KNTC1: variants seen among roughly 807,000 people sequenced by gnomAD.
The protein encoded by KNTC1 is kinetochore associated 1, also known as kinetochore-associated protein 1.
A neutral mutation model predicts 314.4 loss-of-function variants in KNTC1; 253 were observed. The ratio of observed to expected loss-of-function variants is 0.80; its 90% CI spans 0.73 to 0.89. KNTC1 has a LOEUF of 0.89. Among genes scored for constraint, KNTC1 ranks in the 40% least tolerant of loss-of-function variants. The pLI, the probability that KNTC1 is intolerant of heterozygous loss-of-function variation, is 0.00. For missense variants in KNTC1, 2,475 were observed against 2,572.9 expected, an observed-to-expected ratio of 0.96 and a Z score of 0.82; for synonymous variants, 901 against 901.4, an observed-to-expected ratio of 1.00 and a Z score of 0.01.
intron 18 of KNTC1, among the ~76,000 whole-genome samples, chr12:122,561,101 CAGG>C (rs1963938706): frequency 6.6e-6 from 1 of 152,120 alleles, no homozygotes; most frequent in Non-Finnish European, 1.5e-5. Context: ...CACTTGAGGT[CAGG>C]AGTTCAAGAG....
chr12:122,537,576 G>A (rs1961941943), intron 3 of KNTC1, among the ~76,000 whole-genome samples: 1 of 151,904 alleles, frequency 6.6e-6, no homozygotes, highest in African/African-American at 2.4e-5. Context: ...ATGCCACCAT[G>A]TCCGGCTAAT....
In KNTC1 at chr12:122,582,913, A is replaced by G; in HGVS notation, c.3191A>G (p.Gln1064Arg). The change falls in exon 34 of 64, where the codon CAA becomes CGA. Residue 1064 changes from glutamine (Q) to arginine (R), a missense_variant. By Grantham distance (43) the Gln-to-Arg change is conservative. Transcript: ENST00000333479. ...RQALALQMSK[Q>R]ELEAELTLRA... ...GCACTGGCCCTGCAGATGTCCAAAC[A>G]AGAGCTGGAGGCAGAGCTGACCTTG... The G allele has an allele frequency of 6.2e-7, 1 of 1,613,640 alleles. No homozygotes were observed. The highest frequency in any genetic ancestry group is 8.5e-7 in the Non-Finnish European group (1 of 1,179,754).
intron 13 of KNTC1, among the ~76,000 whole-genome samples, chr12:122,550,695 G>T (rs527322384): frequency 1.3e-5 from 2 of 152,188 alleles, no homozygotes; most frequent in African/African-American, 4.8e-5. Flanking sequence ...TAGAGAGGTG[G>T]TCTCACTATG....
intron 51 of KNTC1, 127 bp from the exon 52 acceptor site, chr12:122,609,257 A>C: frequency 3.0e-6 from 2 of 677,668 alleles, no homozygotes; most frequent in South Asian, 3.5e-5. Context: ...AATTTATGTT[A>C]TAATTTTTCA....
In KNTC1 at chr12:122,615,034, A is replaced by G. The variant is rs200898021; in HGVS notation, c.5921A>G (p.Tyr1974Cys). 119 of 1,613,680 alleles carry G rather than the reference A, an allele frequency of 7.4e-5. No individual in the cohort carries two copies. In the South Asian group the frequency reaches 9.6e-4, roughly 13 times the overall value. The change falls in exon 56 of 64, where the codon TAT becomes TGT. Residue 1974 changes from tyrosine (Y) to cysteine (C), a missense_variant. Transcript: ENST00000333479. ...VTELCLEYKI[Y>C]DLQLWNGLLQ... ...GAGCTGTGTTTAGAATACAAAATCT[A>G]TGACCTGCAGCTTTGGAATGGACTC...
chr12:122,550,587 C>T (rs954182406), intron 13 of KNTC1, among the ~76,000 whole-genome samples: 3 of 152,126 alleles, frequency 2.0e-5, no homozygotes, highest in African/African-American at 4.8e-5. Flanking sequence ...ACTACAGCCT[C>T]CAACTCCTGG....
chr12:122,618,442 G>A (rs1372277220), intron 58 of KNTC1, 40 bp from the exon 59 acceptor site: 12 of 1,610,176 alleles, frequency 7.5e-6, no homozygotes, highest in Non-Finnish European at 9.3e-6. Context: ...TTATAGTTGA[G>A]TGTGTGTATA....
In KNTC1 at chr12:122,620,548, T is replaced by TTTTG. The variant is rs763478337; in HGVS notation, c.6220_6223dup (p.Ala2075ValfsTer20). ...AGTATATCCAGTTAGAACTTCCGGC[T>TTTTG]TTTGCATTAGCTTGTCTGATGCTCA... On this transcript the variant is annotated frameshift_variant, in exon 60 of 64. Transcript: ENST00000333479. LOFTEE classifies it high-confidence loss of function. The TTTTG allele has an allele frequency of 6.2e-7, 1 of 1,613,646 alleles. No individual in the cohort carries two copies. The highest frequency in any genetic ancestry group is 1.1e-5 in the South Asian group (1 of 91,030).
chr12:122,562,747 C>T lies in KNTC1; in HGVS notation c.1604+48C>T, dbSNP rs537846906. 2.3e-4 allele frequency: 250 copies of T among 1,102,666 alleles called. 2 individuals carry two copies. The highest frequency in any genetic ancestry group is 2.1e-3 in the South Asian group (166 of 77,640). 68.3% of individuals were successfully genotyped at this position (1,102,666 alleles called of 1,614,324 possible). A position where few individuals can be genotyped will look rare whatever the true frequency, so the allele number is the denominator to read the frequency against. ...TTTTTAGGCCAGGCATGGTGTCTCA[C>T]GCCTGTAATCCCAGCACTTTGGGAG... On this transcript the variant is annotated intron_variant, in intron 20 of 63. Coordinates refer to ENST00000333479, the MANE Select transcript of KNTC1 (RefSeq NM_014708.6).
intron 17 of KNTC1, 26 bp from the exon 18 acceptor site, chr12:122,557,574 T>C: frequency 6.2e-7 from 1 of 1,610,434 alleles, no homozygotes; most frequent in East Asian, 2.2e-5. Context: ...TAGGTTGCCT[T>C]ACTGTGTCTG....
chr12:122,607,085 A>C (rs963463694), intron 51 of KNTC1, among the ~76,000 whole-genome samples: 3 of 152,062 alleles, frequency 2.0e-5, no homozygotes, highest in African/African-American at 2.4e-5. Flanking sequence ...TTTTTTTGAC[A>C]CAGAGTCTGG....
chr12:122,600,072 G>T (rs1871640863), intron 44 of KNTC1, among the ~76,000 whole-genome samples: 1 of 152,038 alleles, frequency 6.6e-6, no homozygotes, highest in Non-Finnish European at 1.5e-5. Context: ...AGAACAAAGA[G>T]AAGACTTCCT....
At chr12:122,537,906 G>A (rs1450970749) in intron 3 of KNTC1, among the ~76,000 whole-genome samples, 1 of 152,036 alleles carries the variant, frequency 6.6e-6, no homozygotes, top group Non-Finnish European at 1.5e-5. Context: ...GGCAGAGATG[G>A]ACAATCGCTT....
At chr12:122,580,118 A>T in intron 32 of KNTC1, 141 bp downstream of exon 32, 1 of 616,104 alleles carries the variant, frequency 1.6e-6, no homozygotes, top group Non-Finnish European at 2.9e-6. Context: ...ATTTTGCTTC[A>T]TGAAAAGTCT....
intron 47 of KNTC1, 61 bp downstream of exon 47, chr12:122,602,948 A>G (rs1872133954): frequency 6.5e-7 from 1 of 1,550,248 alleles, no homozygotes; most frequent in Non-Finnish European, 8.9e-7. Flanking sequence ...GACCCCGTAT[A>G]GAAGATTTTT....
At chr12:122,603,877 G>T (rs1872274713) in intron 48 of KNTC1, among the ~76,000 whole-genome samples, 2 of 152,172 alleles carry the variant, frequency 1.3e-5, no homozygotes, top group Admixed American at 6.5e-5. Flanking sequence ...TACATTTTTG[G>T]TTGTAACAAA....
chr12:122,594,989 C>T (rs918061043), intron 43 of KNTC1, among the ~76,000 whole-genome samples: 2 of 152,168 alleles, frequency 1.3e-5, no homozygotes, highest in Non-Finnish European at 1.5e-5. Context: ...CATTCTCTGG[C>T]CTCAACCTCC....
chr12:122,530,311 T>G (rs1015655191), intron 2 of KNTC1, 119 bp downstream of exon 2: 1 of 847,492 alleles, frequency 1.2e-6, no homozygotes, highest in African/African-American at 1.7e-5. Flanking sequence ...GGAATCAAGA[T>G]TCAATCTCAG....
rs1873614794 is a variant in KNTC1, at chr12:122,615,011, G to A, written c.5898G>A (p.Glu1966=). 6.2e-7 allele frequency: 1 copy of A among 1,613,142 alleles called. No individual in the cohort carries two copies. The highest frequency in any genetic ancestry group is 1.7e-5 in the Admixed American group (1 of 59,922). Residue 1966 remains glutamate (E), a synonymous_variant, in exon 56 of 64, where the codon GAG becomes GAA. Coordinates refer to ENST00000333479, the MANE Select transcript of KNTC1 (RefSeq NM_014708.6). Reference sequence around the variant, plus strand: ...TTCAGGCAGTAAGATTGGTGACTGAGCTGTGTTTAGAATACAAAATCTATG... The same window carrying A: ...TTCAGGCAGTAAGATTGGTGACTGAACTGTGTTTAGAATACAAAATCTATG... ...HESMAVRLVT[E]LCLEYKIYDL... is the part of the protein sequence containing the mutation.
Sources: gnomAD v4.1 joint callset for allele counts (sites outside exome capture counted in the v4.1 genomes callset) on GRCh38, gnomAD v4.1.1 for gene constraint, MANE v1.5 for transcripts, NCBI Gene and HGNC (gene_info 2026-07-23, HGNC 2026-07-21) for gene names.